Variants in P2RX2 observed in about 807,000 individuals in gnomAD.
P2RX2 encodes P2X purinoceptor 2.
P2RX2 carries 50 observed loss-of-function variants against 54.8 expected under a neutral mutation model. The ratio of observed to expected loss-of-function variants is 0.91; its 90% CI spans 0.73 to 1.15. P2RX2 has a LOEUF of 1.15. Among genes scored for constraint, P2RX2 ranks in the 50% most tolerant of loss-of-function variants. The probability of loss-of-function intolerance (pLI) is 0.00; values close to 1 mark genes in which losing one functional copy is unlikely to be tolerated. For synonymous variants in P2RX2, 289 were observed against 259.4 expected, an observed-to-expected ratio of 1.11 and a Z score of -1.09; for missense variants, 658 against 633.2, an observed-to-expected ratio of 1.04 and a Z score of -0.42.
rs1300825499 is a variant in P2RX2 at position 132,621,137 on chromosome 12, G to A, written c.905+6G>A. ...TCGTCAGGCTACAACTTCAGGTGCT[G>A]TACTTGGGACACCGCTGTCCACACT... On this transcript the variant is annotated splice_donor_region_variant and intron_variant, in intron 8 of 10. Transcript: ENST00000643471. 6 of 1,613,996 alleles carry A rather than the reference G, an allele frequency of 3.7e-6. No homozygotes were observed. The highest frequency in any genetic ancestry group is 4.2e-6 in the Non-Finnish European group (5 of 1,180,024).
chr12:132,620,457 C>G lies in P2RX2; in HGVS notation c.648C>G (p.Ala216=). Residue 216 remains alanine, a synonymous_variant, in exon 7 of 11, where the codon GCC becomes GCG. Transcript: ENST00000643471. The part of the protein sequence containing the change: ...PKFHFSKGNI[A]DRTDGYLKRC... ...GCCGCCTCCTCAGGGGCAACATCGC[C>G]GACCGCACAGACGGGTACCTGAAGC... 1 of 1,614,080 alleles carries G rather than the reference C, an allele frequency of 6.2e-7. No individual in the cohort carries two copies. The highest frequency in any genetic ancestry group is 8.5e-7 in the Non-Finnish European group (1 of 1,180,012).
chr12:132,619,781 C>T (rs374748632), intron 3 of P2RX2, 31 bp downstream of exon 3: 146 of 1,609,996 alleles, frequency 9.1e-5, no homozygotes, highest in African/African-American at 6.3e-4. Context: ...TGGGGGACCC[C>T]GCCTCAGCTA....
In P2RX2 at chr12:132,621,262, A is replaced by G. The variant is rs756154743; in HGVS notation, c.913A>G (p.Lys305Glu). ...ASSGYNFRFA[K>E]YYKINGTTTR... ...CTGGCGTTCCCATTGCAGGTTTGCC[A>G]AATACTACAAGATCAATGGCACCAC... Residue 305 changes from lysine to glutamate, a missense_variant, in exon 9 of 11, where the codon AAA (lysine) becomes GAA (glutamate). Physicochemically the swap from Lys to Glu is moderately conservative, Grantham distance 56 (BLOSUM62 1). Coordinates refer to ENST00000643471, the MANE Select transcript of P2RX2 (RefSeq NM_170682.4). The G allele has an allele frequency of 1.9e-6, 3 of 1,613,882 alleles. No homozygotes were observed. Among genetic ancestry groups the G allele is most frequent in the African/African-American group, 1.3e-5 (1 of 74,922 alleles).
chr12:132,622,149 C>G lies in P2RX2; in HGVS notation c.*177C>G. On this transcript the variant is annotated 3_prime_UTR_variant, in exon 11 of 11. Transcript: ENST00000643471. ...GCTCTGGCCCCAGGCTTGTGCCCCA[C>G]CCTGGCATACAGCCCCTGACACCTC... is the stretch of plus-strand genomic sequence containing the variant. 1.4e-6 allele frequency: 2 copies of G among 1,445,514 alleles called. No individual in the cohort carries two copies. Among genetic ancestry groups the G allele is most frequent in the Non-Finnish European group, 1.8e-6 (2 of 1,105,850 alleles). The allele number at this position is 1,445,514 out of a possible 1,614,324, so 89.5% of individuals were successfully genotyped here.
chr12:132,620,657 C>G (rs2041624784), intron 7 of P2RX2, 74 bp downstream of exon 7: 1 of 1,491,792 alleles, frequency 6.7e-7, no homozygotes, highest in East Asian at 2.3e-5. Flanking sequence ...GTACAGGGGA[C>G]CAGTCCCTCC....
rs2041572632 is a variant in P2RX2, at chr12:132,619,882, C to T, written c.420C>T (p.Ala140=). 1.2e-6 allele frequency: 2 copies of T among 1,611,624 alleles called. No individual in the cohort carries two copies. Among genetic ancestry groups the T allele is most frequent in the Non-Finnish European group, 8.5e-7 (1 of 1,179,684 alleles). ...RVHNATCLSD[A]DCVAGELDML... ...ACAACGCCACCTGCCTCTCCGACGC[C>T]GACTGCGTGGCTGGGGAGCTGGACA... The change falls in exon 4 of 11, where the codon GCC becomes GCT. Residue 140 remains alanine (A), a synonymous_variant. Transcript: ENST00000643471.
In P2RX2 at chr12:132,621,054, A is replaced by G. The variant is rs375770987; in HGVS notation, c.828A>G (p.Ala276=). The G allele has an allele frequency of 1.2e-6, 2 of 1,614,134 alleles. No individual in the cohort carries two copies. Among genetic ancestry groups the G allele is most frequent in the Non-Finnish European group, 1.7e-6 (2 of 1,179,976 alleles). ...GGGACTGTGACCTGGACCTGCCTGC[A>G]TCGGAGTGCAACCCCAAGTACTCCT... ...INWDCDLDLP[A]SECNPKYSFR... The change falls in exon 8 of 11, where the codon GCA becomes GCG. Residue 276 remains alanine, a synonymous_variant. Transcript: ENST00000643471.
At position 132,619,589 on chromosome 12, in the gene P2RX2, C is replaced by T. The variant is rs914087456; in HGVS notation, c.309+15C>T. On this transcript the variant is annotated intron_variant, in intron 2 of 10. Coordinates refer to ENST00000643471, the MANE Select transcript of P2RX2 (RefSeq NM_170682.4). ...AGCCCCCCGAGGTGCGGGCCGCCCCCTGCCCCCCGCCCCGCCGTGCACCCT... is the reference window on the plus strand; with the variant it reads ...AGCCCCCCGAGGTGCGGGCCGCCCCTTGCCCCCCGCCCCGCCGTGCACCCT... 23 of 1,603,862 alleles carry T rather than the reference C, an allele frequency of 1.4e-5. No homozygotes were observed. The highest frequency in any genetic ancestry group is 1.8e-5 in the Non-Finnish European group (21 of 1,173,484).
chr12:132,622,317 T>A lies in P2RX2; in HGVS notation c.*345T>A. On this transcript the variant is annotated 3_prime_UTR_variant, in exon 11 of 11. Coordinates refer to ENST00000643471, the MANE Select transcript of P2RX2 (RefSeq NM_170682.4). ...ACCCCACCCCACCCCACAGGCGTTG[T>A]AACCTTGAATCTGCCCAGACTCTTC... The A allele has an allele frequency of 1.1e-6, 1 of 874,720 alleles. No individual in the cohort carries two copies. Among genetic ancestry groups the A allele is most frequent in the Non-Finnish European group, 1.5e-6 (1 of 658,280 alleles). The allele number at this position is 874,720 out of a possible 1,614,324, so 54.2% of individuals were successfully genotyped here.
In P2RX2 at chr12:132,620,278, G is replaced by GT. The variant is rs1316059754; in HGVS notation, c.567dup (p.Thr190TyrfsTer82). ...CTGTGCCTCCTCAGCCAATTTCTGG[G>GT]TACGATGGCCCCAAATTTCACCATC... is the stretch of plus-strand genomic sequence containing the variant. On this transcript the variant is annotated frameshift_variant, in exon 6 of 11. Transcript: ENST00000643471. LOFTEE classifies it high-confidence loss of function. The GT allele has an allele frequency of 6.2e-6, 10 of 1,613,864 alleles. No homozygotes were observed. Among genetic ancestry groups the GT allele is most frequent in the Non-Finnish European group, 7.6e-6 (9 of 1,179,864 alleles).
chr12:132,619,796 G>A, intron 3 of P2RX2, 46 bp downstream of exon 3: 11 of 1,610,466 alleles, frequency 6.8e-6, no homozygotes, highest in Non-Finnish European at 9.3e-6. Flanking sequence ...CAGCTAGGCG[G>A]GCCAGCTGTC....
In P2RX2 at chr12:132,619,879, C is replaced by T; in HGVS notation, c.417C>T (p.Asp139=). ...TCCACAACGCCACCTGCCTCTCCGA[C>T]GCCGACTGCGTGGCTGGGGAGCTGG... ...IRVHNATCLS[D]ADCVAGELDM... Residue 139 remains aspartate (D), a synonymous_variant, in exon 4 of 11, where the codon GAC becomes GAT. Coordinates refer to ENST00000643471, the MANE Select transcript of P2RX2 (RefSeq NM_170682.4). The T allele has an allele frequency of 6.2e-7, 1 of 1,611,784 alleles. No homozygotes were observed.
Position 132,621,894 on chromosome 12 carries a change from G to A in P2RX2, c.1338G>A (p.Glu446=). 1 of 1,613,674 alleles carries A rather than the reference G, an allele frequency of 6.2e-7. No individual in the cohort carries two copies. Among genetic ancestry groups the A allele is most frequent in the Non-Finnish European group, 8.5e-7 (1 of 1,180,016 alleles). The change falls in exon 11 of 11, where the codon GAG becomes GAA. Residue 446 remains glutamate, a synonymous_variant. Transcript: ENST00000643471. ...CTTGCCCCATCTCTGCCCCTTCTGA[G>A]CAGATGGTGGACACTCCTGCCTCCG... ...LRPCPISAPS[E]QMVDTPASEP...
rs1477730325 is a variant in P2RX2, at chr12:132,620,235, G to C, written c.555-32G>C. On this transcript the variant is annotated intron_variant, in intron 5 of 10. Transcript: ENST00000643471. ...GCCAGGCGGGGGCTTTGCGGGAAGA[G>C]GGGACTAAACAACCCTTCTGTGCCT... 3.1e-6 allele frequency: 5 copies of C among 1,590,440 alleles called. No homozygotes were observed. In the South Asian group the frequency reaches 4.4e-5, roughly 14 times the overall value.
In P2RX2 at chr12:132,620,907, T is replaced by C; in HGVS notation, c.775-94T>C. ...CTCTCGAGGGGCCTCTCGTGTGCCC[T>C]TGTGACCCCCTTCCCTGGCCTGGGA... On this transcript the variant is annotated intron_variant, in intron 7 of 10. Coordinates refer to ENST00000643471, the MANE Select transcript of P2RX2 (RefSeq NM_170682.4). 4.6e-5 allele frequency: 8 copies of C among 174,746 alleles called. 4 individuals carry two copies. In the South Asian group the frequency reaches 5.2e-4, roughly 11 times the overall value. The allele number at this position is 174,746 out of a possible 1,614,324, so 10.8% of individuals were successfully genotyped here.
rs747250212 is a variant in P2RX2, at chr12:132,620,323, A to G, written c.611A>G (p.His204Arg). The change falls in exon 6 of 11, where the codon CAC (histidine) becomes CGC (arginine). Residue 204 changes from histidine to arginine, a missense_variant. Transcript: ENST00000643471. ...NFTILIKNSIHYPKFHFSKGN... is the reference protein window; with the variant it reads ...NFTILIKNSIRYPKFHFSKGN... Reference sequence around the variant, plus strand: ...ACCATCCTCATCAAGAACAGCATCCACTACCCCAAATTCCACTTCTCCAAG... The same window carrying G: ...ACCATCCTCATCAAGAACAGCATCCGCTACCCCAAATTCCACTTCTCCAAG... The G allele has an allele frequency of 3.7e-6, 6 of 1,614,072 alleles. No homozygotes were observed. In the East Asian group the frequency reaches 1.1e-4, roughly 30 times the overall value.
chr12:132,620,651 A>C, intron 7 of P2RX2, 68 bp downstream of exon 7: 12 of 1,528,386 alleles, frequency 7.9e-6, no homozygotes, highest in Non-Finnish European at 1.1e-5. Context: ...CCTGGGGTAC[A>C]GGGGACCAGT....
Position 132,621,806 on chromosome 12 carries a change from C to A in P2RX2, c.1250C>A (p.Pro417His). 1.9e-6 allele frequency: 3 copies of A among 1,606,278 alleles called. No individual in the cohort carries two copies. The highest frequency in any genetic ancestry group is 2.6e-6 in the Non-Finnish European group (3 of 1,175,462). Reference sequence around the variant, plus strand: ...CGCTCCGAGGACCAGCACCCCAGCCCTCCATCAGGCCAGGAGGGCCAACAA... The same window carrying A: ...CGCTCCGAGGACCAGCACCCCAGCCATCCATCAGGCCAGGAGGGCCAACAA... ...GHRSEDQHPS[P>H]PSGQEGQQGA... Residue 417 changes from proline to histidine, a missense_variant, in exon 11 of 11, where the codon CCT (proline) becomes CAT (histidine). Physicochemically the swap from Pro to His is moderately conservative, Grantham distance 77 (BLOSUM62 -2). Transcript: ENST00000643471.
Position 132,622,045 on chromosome 12 carries a change from G to C in P2RX2, c.*73G>C. The stretch of plus-strand genomic sequence containing the variant: ...AGAGTCCCCAGCTAGGGACCTGCAC[G>C]TGGACGTGGGCACCTCAGTAGCGGA... On this transcript the variant is annotated 3_prime_UTR_variant, in exon 11 of 11. Transcript: ENST00000643471. The C allele has an allele frequency of 6.3e-7, 1 of 1,598,726 alleles. No homozygotes were observed. The highest frequency in any genetic ancestry group is 8.5e-7 in the Non-Finnish European group (1 of 1,173,648).
Sources: allele counts gnomAD v4.1 joint callset, GRCh38; gene constraint gnomAD v4.1.1; transcripts MANE v1.5; gene names NCBI Gene and HGNC (gene_info 2026-07-23, HGNC 2026-07-21).